Variants in MMP16 observed in about 807,000 individuals in gnomAD.
The protein encoded by MMP16 is matrix metallopeptidase 16.
In MMP16, 12 loss-of-function variants were observed where a neutral mutation model predicts 67.8. That is an observed-to-expected ratio of 0.18 (90% CI 0.11 to 0.29). The LOEUF (loss-of-function observed/expected upper bound fraction) is 0.29, where lower values mean the gene tolerates loss of function less well. MMP16 is among the 10% of genes least tolerant of loss of function. The pLI is 1.00. For synonymous variants in MMP16, 249 were observed against 255.9 expected, an observed-to-expected ratio of 0.97 and a Z score of 0.26; for missense variants, 475 against 765.7, an observed-to-expected ratio of 0.62 and a Z score of 4.48.
At chr8:88,071,415 A>G (rs763169822) in intron 7 of MMP16, among the ~76,000 whole-genome samples, 9 of 152,088 alleles carry the variant, frequency 5.9e-5, no homozygotes, top group Non-Finnish European at 1.2e-4. Context: ...CATGGACTTT[A>G]GTTAAATAGG....
intron 4 of MMP16, among the ~76,000 whole-genome samples, chr8:88,158,941 G>C (rs1457115503): frequency 6.6e-6 from 1 of 152,116 alleles, no homozygotes; most frequent in Non-Finnish European, 1.5e-5. Flanking sequence ...CCCATTTCTT[G>C]TTCTTGTCAG....
chr8:88,181,223 T>G (rs1808975135), intron 3 of MMP16, among the ~76,000 whole-genome samples: 2 of 151,854 alleles, frequency 1.3e-5, no homozygotes, highest in African/African-American at 4.8e-5. Flanking sequence ...AGAGACAGAT[T>G]AGGAAGAAAA....
intron 6 of MMP16, among the ~76,000 whole-genome samples, chr8:88,092,017 G>C (rs1350683040): frequency 6.6e-6 from 1 of 151,700 alleles, no homozygotes; most frequent in South Asian, 2.1e-4. Context: ...GTATGGCTAA[G>C]AAAATAAATT....
chr8:88,270,703 A>T (rs544482151), intron 1 of MMP16, among the ~76,000 whole-genome samples: 5 of 152,280 alleles, frequency 3.3e-5, no homozygotes, highest in Non-Finnish European at 7.4e-5. Flanking sequence ...TTTTCATTTA[A>T]TTGTCAGGTC....
At chr8:88,217,805 A>C (rs904338427) in intron 1 of MMP16, among the ~76,000 whole-genome samples, 1 of 152,096 alleles carries the variant, frequency 6.6e-6, no homozygotes, top group Non-Finnish European at 1.5e-5. Context: ...ATATTTGAAC[A>C]TTACATAATT....
chr8:88,093,627 C>T (rs1256167225), intron 6 of MMP16, among the ~76,000 whole-genome samples: 2 of 151,792 alleles, frequency 1.3e-5, no homozygotes, highest in Non-Finnish European at 2.9e-5. Flanking sequence ...GTTCTTTGTA[C>T]TTCTTTATAA....
chr8:88,076,289 G>T (rs1405927455), intron 6 of MMP16, among the ~76,000 whole-genome samples: 1 of 152,108 alleles, frequency 6.6e-6, no homozygotes, highest in Non-Finnish European at 1.5e-5. Context: ...AAGATACAAA[G>T]AACTTTCTGA....
chr8:88,227,604 C>T (rs1488155485), intron 1 of MMP16, among the ~76,000 whole-genome samples: 2 of 152,058 alleles, frequency 1.3e-5, no homozygotes, highest in Non-Finnish European at 2.9e-5. Context: ...GAATCAGCAT[C>T]TGAATGGCCA....
At chr8:88,253,070 C>G (rs1810250588) in intron 1 of MMP16, among the ~76,000 whole-genome samples, 1 of 152,030 alleles carries the variant, frequency 6.6e-6, no homozygotes, top group South Asian at 2.1e-4. Flanking sequence ...TTCTTTTTCT[C>G]CATCTCCTTA....
At chr8:88,166,335 G>A (rs1808709979) in intron 4 of MMP16, among the ~76,000 whole-genome samples, 1 of 151,682 alleles carries the variant, frequency 6.6e-6, no homozygotes, top group Non-Finnish European at 1.5e-5. Flanking sequence ...TAAAAACTGG[G>A]GATATGGCTA....
chr8:88,155,834 T>C (rs1480333883), intron 4 of MMP16, among the ~76,000 whole-genome samples: 1 of 152,136 alleles, frequency 6.6e-6, no homozygotes, highest in Admixed American at 6.6e-5. Flanking sequence ...GATAAAATAC[T>C]TTCAGTGACA....
At chr8:88,321,781 G>A (rs1811463711) in intron 1 of MMP16, among the ~76,000 whole-genome samples, 1 of 152,110 alleles carries the variant, frequency 6.6e-6, no homozygotes, top group Non-Finnish European at 1.5e-5. Flanking sequence ...AATGGCCTTA[G>A]TGACAGTTTA....
At chr8:88,285,286 C>T (rs767260725) in intron 1 of MMP16, among the ~76,000 whole-genome samples, 5 of 151,856 alleles carry the variant, frequency 3.3e-5, no homozygotes, top group African/African-American at 7.3e-5. Flanking sequence ...ATTACAGGCG[C>T]CTGCCACCAC....
chr8:88,152,730 T>C (rs1466353894), intron 4 of MMP16, among the ~76,000 whole-genome samples: 1 of 35,260 alleles, frequency 2.8e-5, no homozygotes, highest in East Asian at 5.8e-4. Flanking sequence ...TAATAAGAGC[T>C]ATCTATGACA....
chr8:88,279,768 C>T (rs1351482377), intron 1 of MMP16, among the ~76,000 whole-genome samples: 3 of 152,142 alleles, frequency 2.0e-5, no homozygotes, highest in Non-Finnish European at 2.9e-5. Context: ...GGACATTCAA[C>T]GACTCTCCAT....
At chr8:88,256,998 C>T (rs1279180603) in intron 1 of MMP16, among the ~76,000 whole-genome samples, 1 of 152,166 alleles carries the variant, frequency 6.6e-6, no homozygotes, top group Non-Finnish European at 1.5e-5. Flanking sequence ...CCCCTGCTCT[C>T]CATACAATAA....
At chr8:88,175,944 C>A (rs1361357304) in intron 3 of MMP16, among the ~76,000 whole-genome samples, 1 of 152,214 alleles carries the variant, frequency 6.6e-6, no homozygotes, top group Non-Finnish European at 1.5e-5. Context: ...TCCTCCTTTG[C>A]CTTCTGCCAT....
intron 6 of MMP16, 100 bp downstream of exon 6, chr8:88,116,407 G>A (rs1314448064): frequency 9.9e-6 from 10 of 1,009,562 alleles, no homozygotes; most frequent in East Asian, 2.5e-5. Flanking sequence ...AACTGTGAGA[G>A]GGCTGGGAAG....
intron 1 of MMP16, among the ~76,000 whole-genome samples, chr8:88,284,190 T>C (rs1720503927): frequency 6.6e-6 from 1 of 152,190 alleles, no homozygotes; most frequent in Non-Finnish European, 1.5e-5. Flanking sequence ...ACAGTACTAT[T>C]AATCCTCCAA....
Sources: gnomAD v4.1 joint callset for allele counts (sites outside exome capture counted in the v4.1 genomes callset) on GRCh38, gnomAD v4.1.1 for gene constraint, MANE v1.5 for transcripts, NCBI Gene and HGNC (gene_info 2026-07-23, HGNC 2026-07-21) for gene names.